GLI3: variants seen among roughly 807,000 people sequenced by gnomAD.
GLI3 encodes GLI family zinc finger 3, also known as transcription activator GLI3.
A neutral mutation model predicts 100.8 loss-of-function variants in GLI3; 20 were observed. That is an observed-to-expected ratio of 0.20 (90% CI 0.14 to 0.29). GLI3 has a LOEUF of 0.29. Ranked by LOEUF, GLI3 falls within the 10% of genes least tolerant of loss-of-function variation. The pLI, the probability that GLI3 is intolerant of heterozygous loss-of-function variation, is 1.00. For synonymous variants in GLI3, 938 were observed against 860.5 expected, an observed-to-expected ratio of 1.09 and a Z score of -1.58; for missense variants, 2,040 against 2,128.5, an observed-to-expected ratio of 0.96 and a Z score of 0.82.
chr7:41,965,974 C>T lies in GLI3; in HGVS notation c.3099G>A (p.Pro1033=), dbSNP rs760688361. The part of the protein sequence containing the change: ...RFSSLSSCNP[P]AMATSAEKRS... ...GCTTCTCCGCGGACGTGGCCATCGC[C>T]GGGGGGTTGCAGCTGCTGAGGCTGC... The change falls in exon 15 of 15, where the codon CCG becomes CCA. Residue 1033 remains proline (P), a synonymous_variant. Transcript: ENST00000395925. 8.1e-6 allele frequency: 13 copies of T among 1,607,430 alleles called. No homozygotes were observed. In the Admixed American group the frequency reaches 1.0e-4, roughly 12 times the overall value.
chr7:42,241,882 C>T (rs6463094), upstream of GLI3, among the ~76,000 whole-genome samples: 86,683 of 152,020 alleles, frequency 0.57, 25,399 homozygotes, highest in East Asian at 0.71. Flanking sequence ...TCGCTCACAG[C>T]GGGCATGAGG....
intron 4 of GLI3, among the ~76,000 whole-genome samples, chr7:42,050,164 T>C (rs1029389158): frequency 6.6e-6 from 1 of 152,210 alleles, no homozygotes; most frequent in Non-Finnish European, 1.5e-5. Context: ...TCTGACTCTT[T>C]TTTCATTTTG....
intron 13 of GLI3, among the ~76,000 whole-genome samples, chr7:41,968,192 A>G (rs564082826): frequency 5.3e-5 from 8 of 152,240 alleles, no homozygotes; most frequent in East Asian, 3.9e-4. Flanking sequence ...TCCTGCCCCA[A>G]TCGCCAACTC....
chr7:42,107,064 C>G (rs1785593845), intron 3 of GLI3, among the ~76,000 whole-genome samples: 1 of 152,092 alleles, frequency 6.6e-6, no homozygotes, highest in Non-Finnish European at 1.5e-5. Flanking sequence ...ACCTGTAATC[C>G]TCGCATTTTG....
At chr7:42,156,475 T>C (rs931515460) in intron 2 of GLI3, among the ~76,000 whole-genome samples, 1 of 152,204 alleles carries the variant, frequency 6.6e-6, no homozygotes, top group Non-Finnish European at 1.5e-5. Context: ...GAGATTTCTT[T>C]GAGAATTCAG....
chr7:42,210,452 T>C, intron 2 of GLI3, among the ~76,000 whole-genome samples: 1 of 150,434 alleles, frequency 6.6e-6, no homozygotes, highest in Non-Finnish European at 1.5e-5. Context: ...CTATATTTGA[T>C]AGAGACTCAC....
At chr7:42,036,922 G>A (rs1789456602) in intron 7 of GLI3, among the ~76,000 whole-genome samples, 1 of 152,040 alleles carries the variant, frequency 6.6e-6, no homozygotes, top group Admixed American at 6.6e-5. Context: ...CGGGTGGGTT[G>A]CCTGAGTTCA....
intron 10 of GLI3, among the ~76,000 whole-genome samples, chr7:42,003,541 T>G (rs1054013076): frequency 6.6e-6 from 1 of 152,186 alleles, no homozygotes; most frequent in Non-Finnish European, 1.5e-5. Context: ...TAATAAAGTG[T>G]ACAGCAGGCA....
intron 2 of GLI3, among the ~76,000 whole-genome samples, chr7:42,190,851 C>T (rs1244268064): frequency 6.6e-6 from 1 of 151,616 alleles, no homozygotes. Context: ...TACCAGAAAA[C>T]ATGATTAGAA....
At position 41,995,716 on chromosome 7, in the gene GLI3, G is replaced by A. The variant is rs558724270; in HGVS notation, c.1498-16968C>T. ...CTACAGAAAATGCACAGAAGAGAAG[G>A]GGTGCTGTGTACCCATTAAAATAAA... On this transcript the variant is annotated intron_variant, in intron 10 of 14. Coordinates refer to ENST00000395925, the MANE Select transcript of GLI3 (RefSeq NM_000168.6). Among the ~76,000 whole-genome samples, 13 of 152,154 alleles carry A rather than the reference G, an allele frequency of 8.5e-5. No individual in the cohort carries two copies. In the East Asian group the frequency reaches 2.5e-3, roughly 29 times the overall value.
intron 2 of GLI3, among the ~76,000 whole-genome samples, chr7:42,178,628 C>A (rs76323115): frequency 0.044 from 6,739 of 152,270 alleles, 203 homozygotes; most frequent in Middle Eastern, 0.078. Flanking sequence ...CTACTGTGTA[C>A]TGGGGACTAG....
intron 2 of GLI3, among the ~76,000 whole-genome samples, chr7:42,200,095 C>A (rs914189375): frequency 4.6e-5 from 7 of 152,168 alleles, no homozygotes; most frequent in African/African-American, 1.7e-4. Context: ...AATTACTACT[C>A]AAGTCATTTT....
At chr7:42,099,698 A>T (rs1785417521) in intron 3 of GLI3, among the ~76,000 whole-genome samples, 6 of 151,906 alleles carry the variant, frequency 3.9e-5, no homozygotes, top group Admixed American at 3.9e-4. Flanking sequence ...TCACTAATTT[A>T]AAAAAAATTA....
chr7:41,994,940 TG>T (rs1265820235), intron 10 of GLI3, among the ~76,000 whole-genome samples: 2 of 152,242 alleles, frequency 1.3e-5, no homozygotes, highest in Non-Finnish European at 2.9e-5. Flanking sequence ...TAATTTAGTG[TG>T]GTTATACCAG....
At chr7:42,174,825 C>A (rs1408664108) in intron 2 of GLI3, among the ~76,000 whole-genome samples, 1 of 152,158 alleles carries the variant, frequency 6.6e-6, no homozygotes, top group African/African-American at 2.4e-5. Context: ...AGCTCCAGCT[C>A]GGGCAAGTCA....
chr7:42,077,520 T>G (rs775914807), intron 3 of GLI3, among the ~76,000 whole-genome samples: 2 of 151,994 alleles, frequency 1.3e-5, no homozygotes, highest in Non-Finnish European at 2.9e-5. Flanking sequence ...CCACTCAGAC[T>G]CACAGACATC....
intron 1 of GLI3, among the ~76,000 whole-genome samples, chr7:42,236,754 C>A (rs1434554830): frequency 6.6e-6 from 1 of 152,216 alleles, no homozygotes; most frequent in Non-Finnish European, 1.5e-5. Context: ...GTCCGCGGGT[C>A]GGACTCTTCG....
chr7:42,185,723 C>T (rs1455577916), intron 2 of GLI3, among the ~76,000 whole-genome samples: 1 of 152,218 alleles, frequency 6.6e-6, no homozygotes, highest in Non-Finnish European at 1.5e-5. Context: ...TCTCTCCAGC[C>T]TGCAACTGGT....
chr7:42,038,334 C>G (rs1784058871), intron 7 of GLI3, among the ~76,000 whole-genome samples: 1 of 152,206 alleles, frequency 6.6e-6, no homozygotes, highest in Non-Finnish European at 1.5e-5. Flanking sequence ...GCTCAGCTCC[C>G]CCTGAAACTT....
Sources: gnomAD v4.1 joint callset for allele counts (sites outside exome capture counted in the v4.1 genomes callset) on GRCh38, gnomAD v4.1.1 for gene constraint, MANE v1.5 for transcripts, NCBI Gene and HGNC (gene_info 2026-07-23, HGNC 2026-07-21) for gene names.